The following SCFD2 variants were observed in gnomAD, a reference collection of about 807,000 sequenced individuals.
SCFD2 encodes the protein sec1 family domain containing 2.
A neutral mutation model predicts 58.9 loss-of-function variants in SCFD2; 54 were observed. The observed-to-expected ratio is 0.92, with a 90% CI of 0.74 to 1.15. The LOEUF (loss-of-function observed/expected upper bound fraction) is 1.15, where lower values mean the gene tolerates loss of function less well. SCFD2 is among the 50% of genes most tolerant of loss of function. The pLI is 0.00. For synonymous variants in SCFD2, 321 were observed against 335.9 expected (o/e 0.96, Z 0.49); for missense variants, 805 against 836.6 (o/e 0.96, Z 0.47).
chr4:53,240,378 T>C (rs1349735424), intron 4 of SCFD2, among the ~76,000 whole-genome samples: 2 of 152,200 alleles, frequency 1.3e-5, no homozygotes, highest in Non-Finnish European at 2.9e-5. Context: ...AAAATGGACA[T>C]ATCAGAATCA....
chr4:53,249,042 A>C (rs557019747), intron 4 of SCFD2, among the ~76,000 whole-genome samples: 2 of 152,204 alleles, frequency 1.3e-5, no homozygotes, highest in East Asian at 3.8e-4. Flanking sequence ...AAGGCAAAGA[A>C]GTTAAAAACT....
intron 5 of SCFD2, among the ~76,000 whole-genome samples, chr4:52,971,857 A>G (rs1390865637): frequency 3.3e-5 from 5 of 152,202 alleles, no homozygotes; most frequent in South Asian, 2.1e-4. Flanking sequence ...GTGGGGGCCA[A>G]TATTCAACAT....
chr4:52,983,886 C>A (rs1345025444), intron 5 of SCFD2, among the ~76,000 whole-genome samples: 2 of 152,218 alleles, frequency 1.3e-5, no homozygotes, highest in Non-Finnish European at 2.9e-5. Context: ...CTTGCCTACA[C>A]CCTTCTTAAG....
intron 5 of SCFD2, among the ~76,000 whole-genome samples, chr4:52,930,037 T>C (rs1289184286): frequency 1.3e-5 from 2 of 152,162 alleles, no homozygotes; most frequent in Admixed American, 1.3e-4. Flanking sequence ...AAAAAGAGCC[T>C]GTATAGCCAA....
At chr4:52,941,553 C>T (rs1720293424) in intron 5 of SCFD2, among the ~76,000 whole-genome samples, 2 of 152,176 alleles carry the variant, frequency 1.3e-5, no homozygotes, top group South Asian at 4.1e-4. Context: ...CTGTGTTAAA[C>T]CTAACTGTCT....
intron 5 of SCFD2, among the ~76,000 whole-genome samples, chr4:52,928,296 T>C (rs957271668): frequency 2.0e-5 from 3 of 152,186 alleles, no homozygotes; most frequent in Non-Finnish European, 2.9e-5. Context: ...TGATCACCAC[T>C]GTCCTCTAGC....
chr4:53,123,971 C>T (rs1725555107), intron 5 of SCFD2, among the ~76,000 whole-genome samples: 1 of 152,106 alleles, frequency 6.6e-6, no homozygotes, highest in Non-Finnish European at 1.5e-5. Flanking sequence ...TTCATAGGTA[C>T]CTCTGTGGTA....
intron 4 of SCFD2, among the ~76,000 whole-genome samples, chr4:53,249,583 C>T (rs1437706458): frequency 6.6e-6 from 1 of 152,202 alleles, no homozygotes; most frequent in East Asian, 1.9e-4. Context: ...CAAAGGGAAG[C>T]CCATCAGACT....
At chr4:53,147,034 A>C (rs1726352683) in intron 4 of SCFD2, among the ~76,000 whole-genome samples, 1 of 152,228 alleles carries the variant, frequency 6.6e-6, no homozygotes, top group Admixed American at 6.5e-5. Flanking sequence ...GCGGGAAAGG[A>C]AACAACATCT....
intron 5 of SCFD2, among the ~76,000 whole-genome samples, chr4:53,049,142 C>T (rs569824259): frequency 4.6e-5 from 7 of 152,240 alleles, no homozygotes; most frequent in Non-Finnish European, 7.4e-5. Flanking sequence ...ACGGTTAATT[C>T]CATGTGGAAA....
At chr4:53,253,453 A>G (rs571699654) in intron 4 of SCFD2, among the ~76,000 whole-genome samples, 2 of 152,158 alleles carry the variant, frequency 1.3e-5, no homozygotes, top group African/African-American at 2.4e-5. Flanking sequence ...TGTTTATTGC[A>G]GCACTATTCA....
chr4:53,176,593 A>G (rs1198680489), intron 4 of SCFD2, among the ~76,000 whole-genome samples: 1 of 152,230 alleles, frequency 6.6e-6, no homozygotes, highest in Non-Finnish European at 1.5e-5. Context: ...CTGAGAGAAA[A>G]AGCCTTCTAG....
intron 4 of SCFD2, among the ~76,000 whole-genome samples, chr4:53,176,955 AAAAAAAAAAGAAAG>A (rs1172917573): frequency 2.0e-5 from 3 of 152,048 alleles, no homozygotes; most frequent in South Asian, 2.1e-4. Flanking sequence ...CTCAAAAAAA[AAAAAAAAAAGAAAG>A]AAAAAAAAGA....
chr4:53,158,282 A>G (rs540886533), intron 4 of SCFD2, among the ~76,000 whole-genome samples: 1 of 152,294 alleles, frequency 6.6e-6, no homozygotes, highest in Admixed American at 6.5e-5. Flanking sequence ...CTGCATAATA[A>G]TATAACACGT....
chr4:53,295,563 T>C (rs565702623), intron 3 of SCFD2, among the ~76,000 whole-genome samples: 12 of 152,236 alleles, frequency 7.9e-5, no homozygotes, highest in Non-Finnish European at 1.8e-4. Context: ...TTTCTAAATA[T>C]ACAATCATGT....
chr4:52,986,002 A>G (rs1721482273), intron 5 of SCFD2, among the ~76,000 whole-genome samples: 1 of 152,102 alleles, frequency 6.6e-6, no homozygotes. Flanking sequence ...CAGAATTAGC[A>G]TACAATTCCT....
At chr4:53,346,058 C>A (rs1194598303) in intron 2 of SCFD2, among the ~76,000 whole-genome samples, 1 of 151,994 alleles carries the variant, frequency 6.6e-6, no homozygotes, top group African/African-American at 2.4e-5. Context: ...ATGTAACAAA[C>A]CTGCACGTTG....
chr4:53,129,170 G>A (rs1392343805), intron 5 of SCFD2, among the ~76,000 whole-genome samples: 2 of 152,072 alleles, frequency 1.3e-5, no homozygotes, highest in Non-Finnish European at 2.9e-5. Context: ...TGTCAGGTTG[G>A]CAACAACTCA....
intron 5 of SCFD2, among the ~76,000 whole-genome samples, chr4:52,940,329 T>A (rs182261133): frequency 5.7e-4 from 87 of 152,268 alleles, no homozygotes; most frequent in Non-Finnish European, 2.4e-4. Context: ...AGATCTGCAT[T>A]CTCAGTTTCA....
Sources: gnomAD v4.1 joint callset for allele counts (sites outside exome capture counted in the v4.1 genomes callset) on GRCh38, gnomAD v4.1.1 for gene constraint, MANE v1.5 for transcripts, NCBI Gene and HGNC (gene_info 2026-07-23, HGNC 2026-07-21) for gene names.